The following ITGB4 variants were observed in gnomAD, a reference collection of about 807,000 sequenced individuals.
ITGB4 encodes integrin beta-4.
A neutral mutation model predicts 207.6 loss-of-function variants in ITGB4; 159 were observed. The observed-to-expected ratio is 0.77, with a 90% CI of 0.67 to 0.87. ITGB4 has a LOEUF of 0.87. Ranked by LOEUF, ITGB4 falls within the 40% of genes least tolerant of loss-of-function variation. The pLI, the probability that ITGB4 is intolerant of heterozygous loss-of-function variation, is 0.00. For missense variants in ITGB4, 2,278 were observed against 2,546.8 expected (o/e 0.89, Z 2.27); for synonymous variants, 1,020 against 1,062.7 (o/e 0.96, Z 0.78).
At chr17:75,737,872 C>A (rs1056119721) in intron 18 of ITGB4, among the ~76,000 whole-genome samples, 4 of 151,702 alleles carry the variant, frequency 2.6e-5, no homozygotes, top group African/African-American at 9.7e-5. Context: ...TGGGTCCCCA[C>A]CTCACCAGGG....
In ITGB4 at chr17:75,725,358, G is replaced by A. The variant is rs192319969; in HGVS notation, c.79+576G>A. On this transcript the variant is annotated intron_variant, in intron 2 of 39. Transcript: ENST00000200181. ...AAACATGCTCTCACTCTGTCGTCCC[G>A]GTGAAATGCAGTGATGCCATCGTGG... Among the ~76,000 whole-genome samples the A allele has an allele frequency of 1.1e-4, 16 of 151,874 alleles. No homozygotes were observed. The East Asian group carries it at 2.3e-3, about 22-fold the overall frequency.
chr17:75,723,058 T>C (rs1450075397), intron 1 of ITGB4, among the ~76,000 whole-genome samples: 1 of 152,210 alleles, frequency 6.6e-6, no homozygotes, highest in African/African-American at 2.4e-5. Flanking sequence ...CCAAACACTC[T>C]TGGGTGCCTC....
chr17:75,750,853 C>A lies in ITGB4; in HGVS notation c.3648C>A (p.His1216Gln), dbSNP rs149284152. ...GCTCCCTGGTGTCCTGCCGCACCCA[C>A]CAGGAAGGTGAGGCCTCGCCATGTC... is the stretch of plus-strand genomic sequence containing the variant. ...PYSSLVSCRT[H>Q]QEVPSEPGRL... The change falls in exon 29 of 40, where the codon CAC becomes CAA. Residue 1216 changes from histidine (H) to glutamine (Q), a missense_variant. Physicochemically the swap from His to Gln is conservative, Grantham distance 24 (BLOSUM62 0). Transcript: ENST00000200181. The surrounding 1 kb of genome is among the most constrained non-coding windows in gnomAD (Gnocchi z 5.5). 233 of 1,613,324 alleles carry A rather than the reference C, an allele frequency of 1.4e-4. No individual in the cohort carries two copies. Among genetic ancestry groups the A allele is most frequent in the Non-Finnish European group, 1.9e-4 (225 of 1,180,030 alleles).
chr17:75,737,519 C>A lies in ITGB4; in HGVS notation c.2114-19C>A. 1.9e-6 allele frequency: 3 copies of A among 1,559,512 alleles called. No individual in the cohort carries two copies. In the South Asian group the frequency reaches 3.5e-5, roughly 18 times the overall value. The stretch of plus-strand genomic sequence containing the variant: ...GTGGGGAGGACAGGCACCACCTCCC[C>A]CTGCCTCCTCCTCTCCAGACTGCCC... On this transcript the variant is annotated intron_variant, in intron 17 of 39. Transcript: ENST00000200181.
At chr17:75,754,929 C>T (rs1352813281) in intron 34 of ITGB4, 114 bp downstream of exon 34, 60 of 1,535,534 alleles carry the variant, frequency 3.9e-5, no homozygotes, top group East Asian at 1.6e-4. Context: ...CATACACACA[C>T]GCATGCACAC....
chr17:75,741,387 C>G (rs2061106333), intron 23 of ITGB4, among the ~76,000 whole-genome samples: 1 of 152,120 alleles, frequency 6.6e-6, no homozygotes, highest in African/African-American at 2.4e-5. Flanking sequence ...GATGGGCCAG[C>G]AGGTCACACA....
rs151033645 is a variant in ITGB4 at position 75,748,838 on chromosome 17, C to T, written c.3112-3C>T. 6.8e-4 allele frequency: 1,096 copies of T among 1,606,602 alleles called. 9 individuals carry two copies. The highest frequency in any genetic ancestry group is 7.8e-4 in the Non-Finnish European group (913 of 1,177,076). ...CCCTGACCCTGACCCCCTCCACTCC[C>T]AGGACTACATCCCCGTGGAGGGTGA... On this transcript the variant is annotated splice_region_variant and splice_polypyrimidine_tract_variant and intron_variant, in intron 26 of 39. Transcript: ENST00000200181.
rs755394820 is a variant in ITGB4 at position 75,757,540 on chromosome 17, G to GTTC, written c.5458_5460dup (p.Phe1820dup). 4.3e-6 allele frequency: 7 copies of GTTC among 1,613,278 alleles called. No individual in the cohort carries two copies. The Admixed American group carries it at 8.3e-5, about 19-fold the overall frequency. On this transcript the variant is annotated inframe_insertion, in exon 40 of 40. Transcript: ENST00000200181. ...CCCTTAGCACCCACATGGACCAACA[G>GTTC]TTCTTCCAAACTTGACCGCACCCTG... is the stretch of plus-strand genomic sequence containing the variant.
chr17:75,725,921 A>C (rs567982058), intron 2 of ITGB4, among the ~76,000 whole-genome samples: 13 of 152,322 alleles, frequency 8.5e-5, no homozygotes, highest in African/African-American at 3.1e-4. Context: ...AGGTACCTGA[A>C]AAGGGTGCTA....
rs746768162 is a variant in ITGB4 at position 75,742,383 on chromosome 17, C to T, written c.2676C>T (p.Arg892=). The part of the protein sequence containing the change: ...TIVDTVLMAP[R]SAKPALLKLT... ...TGGACACAGTGCTGATGGCGCCCCG[C>T]TCGGCCAAGCCGGCCCTGCTGAAGC... Residue 892 remains arginine, a synonymous_variant, in exon 24 of 40, where the codon CGC becomes CGT. Transcript: ENST00000200181. The surrounding 1 kb of genome is among the most constrained non-coding windows in gnomAD (Gnocchi z 5.9). 4 of 1,613,422 alleles carry T rather than the reference C, an allele frequency of 2.5e-6. No homozygotes were observed. The East Asian group carries it at 8.9e-5, about 36-fold the overall frequency.
In ITGB4 at chr17:75,753,750, T is replaced by A; in HGVS notation, c.4109-15T>A. On this transcript the variant is annotated splice_polypyrimidine_tract_variant and intron_variant, in intron 32 of 39. Transcript: ENST00000200181. ...CCCCCCGGCGGTGCCAACGCGGCCC[T>A]TCGTTGTTCCCAAGGCTGCGGCTGG... 1 of 1,413,682 alleles carries A rather than the reference T, an allele frequency of 7.1e-7. No homozygotes were observed. The allele number at this position is 1,413,682 out of a possible 1,614,324, so 87.6% of individuals were successfully genotyped here.
intron 26 of ITGB4, among the ~76,000 whole-genome samples, chr17:75,748,045 T>C (rs559526895): frequency 3.6e-4 from 55 of 152,146 alleles, no homozygotes; most frequent in South Asian, 6.2e-4. Context: ...CCAGTTCTTA[T>C]CCTGGAAAGC....
At position 75,732,523 on chromosome 17, in the gene ITGB4, G is replaced by A. The variant is rs2060884819; in HGVS notation, c.1454+284G>A. Among the ~76,000 whole-genome samples, 1 of 152,182 alleles carries A rather than the reference G, an allele frequency of 6.6e-6. No homozygotes were observed. Among genetic ancestry groups the A allele is most frequent in the Non-Finnish European group, 1.5e-5 (1 of 68,040 alleles). Reference sequence around the variant, plus strand: ...TCTGGATCTTGGGGGACAGGCACACGAGGCTTCCTTTTTGCTCCATGCCTT... The same window carrying A: ...TCTGGATCTTGGGGGACAGGCACACAAGGCTTCCTTTTTGCTCCATGCCTT... On this transcript the variant is annotated intron_variant, in intron 12 of 39. Coordinates refer to ENST00000200181, the MANE Select transcript of ITGB4 (RefSeq NM_000213.5). The surrounding 1 kb of genome is among the most constrained non-coding windows in gnomAD (Gnocchi z 5.3).
rs569040485 is a variant in ITGB4 at position 75,722,705 on chromosome 17, G to A, written c.-11+1093G>A. On this transcript the variant is annotated intron_variant, in intron 1 of 39. Transcript: ENST00000200181. This position sits in a 1 kb window ranked among gnomAD's most constrained non-coding sequence, Gnocchi z 6.2. ...AGGTGTGCCCAGAGGGGTCCCCAGG[G>A]GTTGGGATGGGGGCCAGGGGAGCTC... is the stretch of plus-strand genomic sequence containing the variant. Among the ~76,000 whole-genome samples the A allele has an allele frequency of 2.4e-4, 36 of 152,138 alleles. No homozygotes were observed. Among genetic ancestry groups the A allele is most frequent in the African/African-American group, 8.7e-4 (36 of 41,496 alleles).
At chr17:75,755,555 C>G (rs1187500244) in intron 34 of ITGB4, 146 bp from the exon 35 acceptor site, 1 of 1,008,562 alleles carries the variant, frequency 9.9e-7, no homozygotes, top group African/African-American at 1.6e-5. Context: ...GCAGCCTGGA[C>G]AGGGTGTTGC....
At position 75,730,316 on chromosome 17, in the gene ITGB4, G is replaced by C; in HGVS notation, c.814G>C (p.Asp272His). 6.2e-7 allele frequency: 1 copy of C among 1,613,770 alleles called. No homozygotes were observed. The highest frequency in any genetic ancestry group is 8.5e-7 in the Non-Finnish European group (1 of 1,180,026). Residue 272 changes from aspartate (D) to histidine (H), a missense_variant, in exon 8 of 40, where the codon GAT (aspartate) becomes CAT (histidine). Physicochemically the swap from Asp to His is moderately conservative, Grantham distance 81. Coordinates refer to ENST00000200181, the MANE Select transcript of ITGB4 (RefSeq NM_000213.5). ...CGAGTCAGCCTTCCACTATGAGGCTGATGGCGCCAACGTGCTGGCTGGCAT... is the reference window on the plus strand; with the variant it reads ...CGAGTCAGCCTTCCACTATGAGGCTCATGGCGCCAACGTGCTGGCTGGCAT... Reference protein sequence around the residue: ...STESAFHYEADGANVLAGIMS... With the variant: ...STESAFHYEAHGANVLAGIMS...
Position 75,724,259 on chromosome 17 carries a change from G to A in ITGB4, c.-10-435G>A, listed in dbSNP as rs182946794. ...TGCCACCCTCACCAAAGGGTAAGTG[G>A]GCCAGGACAGAAGGAGCAGGAGGCA... On this transcript the variant is annotated intron_variant, in intron 1 of 39. Coordinates refer to ENST00000200181, the MANE Select transcript of ITGB4 (RefSeq NM_000213.5). Among the ~76,000 whole-genome samples the A allele has an allele frequency of 3.3e-5, 5 of 152,370 alleles. No individual in the cohort carries two copies. In the East Asian group the frequency reaches 7.7e-4, roughly 24 times the overall value.
chr17:75,751,245 G>A (rs1024969505), intron 30 of ITGB4, 134 bp downstream of exon 30: 45 of 1,081,696 alleles, frequency 4.2e-5, no homozygotes, highest in Middle Eastern at 4.0e-4. Flanking sequence ...CCTGGTCAGC[G>A]GATAAGCCTG....
At position 75,739,643 on chromosome 17, in the gene ITGB4, G is replaced by A. The variant is rs765274611; in HGVS notation, c.2221-29G>A. 2 of 1,614,010 alleles carry A rather than the reference G, an allele frequency of 1.2e-6. No homozygotes were observed. The highest frequency in any genetic ancestry group is 1.7e-6 in the Non-Finnish European group (2 of 1,179,992). Reference sequence around the variant, plus strand: ...ACCTGGGCCAGGGCAGCTGTCTCAGGCCTCACCCTCACCCACCTTGTCTCC... The same window carrying A: ...ACCTGGGCCAGGGCAGCTGTCTCAGACCTCACCCTCACCCACCTTGTCTCC... On this transcript the variant is annotated intron_variant, in intron 18 of 39. Transcript: ENST00000200181. The surrounding 1 kb of genome is among the most constrained non-coding windows in gnomAD (Gnocchi z 5.4).
Sources: allele counts gnomAD v4.1 joint callset (sites outside exome capture counted in the v4.1 genomes callset), GRCh38; gene constraint gnomAD v4.1.1; non-coding constraint Gnocchi (gnomAD v3.1); transcripts MANE v1.5; gene names NCBI Gene and HGNC (gene_info 2026-07-23, HGNC 2026-07-21).